The following MICU1 variants were observed in gnomAD, a reference collection of about 807,000 sequenced individuals.
MICU1 encodes the protein calcium uptake protein 1, mitochondrial.
MICU1 carries 45 observed loss-of-function variants against 56.8 expected under a neutral mutation model. That is an observed-to-expected ratio of 0.79 (90% confidence interval 0.62 to 1.02). MICU1 has a LOEUF of 1.02. Ranked by LOEUF, MICU1 falls within the 50% of genes least tolerant of loss-of-function variation. The pLI is 0.00. For missense variants in MICU1, 504 were observed against 587.1 expected (o/e 0.86, Z 1.46); for synonymous variants, 186 against 195.1 (o/e 0.95, Z 0.39).
intron 1 of MICU1, among the ~76,000 whole-genome samples, chr10:72,620,983 G>T (rs1024472599): frequency 6.6e-6 from 1 of 152,014 alleles, no homozygotes; most frequent in Non-Finnish European, 1.5e-5. Flanking sequence ...CATATTTTGG[G>T]AAGCCAAGGC....
intron 4 of MICU1, among the ~76,000 whole-genome samples, chr10:72,544,770 A>G (rs1172039867): frequency 1.3e-5 from 2 of 152,172 alleles, no homozygotes; most frequent in Admixed American, 1.3e-4. Flanking sequence ...AATCGTACAG[A>G]ATATTTTTTT....
chr10:72,419,179 C>T (rs1234522860), intron 9 of MICU1, among the ~76,000 whole-genome samples: 1 of 152,212 alleles, frequency 6.6e-6, no homozygotes, highest in South Asian at 2.1e-4. Context: ...ATATCTGGAC[C>T]AACCTTTAAA....
intron 1 of MICU1, among the ~76,000 whole-genome samples, chr10:72,587,738 C>G (rs190563845): frequency 6.6e-6 from 1 of 151,762 alleles, no homozygotes; most frequent in African/African-American, 2.4e-5. Flanking sequence ...GAGCTGAGAT[C>G]GCACCACTGC....
chr10:72,571,009 A>T (rs1840596711), intron 1 of MICU1, among the ~76,000 whole-genome samples: 2 of 152,234 alleles, frequency 1.3e-5, no homozygotes, highest in Admixed American at 1.3e-4. Flanking sequence ...TTCATCACTG[A>T]CAACAGAAAG....
intron 1 of MICU1, among the ~76,000 whole-genome samples, chr10:72,587,464 C>CAAAAAA (rs35303837): frequency 1.1e-5 from 1 of 92,864 alleles, no homozygotes; most frequent in Non-Finnish European, 2.0e-5. Flanking sequence ...CAGCATGTCT[C>CAAAAAA]AAAAAAAAAA....
chr10:72,421,141 G>C (rs551622062), intron 9 of MICU1, among the ~76,000 whole-genome samples: 15 of 150,926 alleles, frequency 9.9e-5, no homozygotes, highest in South Asian at 2.1e-4. Flanking sequence ...TGGGATTACA[G>C]GTATGTGCCA....
chr10:72,572,590 G>A (rs1424092974), intron 1 of MICU1, among the ~76,000 whole-genome samples: 3 of 151,748 alleles, frequency 2.0e-5, no homozygotes, highest in Admixed American at 2.0e-4. Context: ...GGAATGGAAT[G>A]TAAATATTAA....
intron 5 of MICU1, among the ~76,000 whole-genome samples, chr10:72,518,394 T>A (rs944694593): frequency 6.6e-6 from 1 of 152,134 alleles, no homozygotes; most frequent in Non-Finnish European, 1.5e-5. Context: ...ATGTAATTTT[T>A]ACTAGAAAGT....
At chr10:72,530,642 A>G (rs558010366) in intron 5 of MICU1, among the ~76,000 whole-genome samples, 2 of 152,242 alleles carry the variant, frequency 1.3e-5, no homozygotes, top group East Asian at 1.9e-4. Flanking sequence ...TGCCAATAAT[A>G]ATGTATTTCA....
At chr10:72,417,357 G>A (rs1383820813) in intron 9 of MICU1, among the ~76,000 whole-genome samples, 7 of 151,848 alleles carry the variant, frequency 4.6e-5, no homozygotes, top group African/African-American at 1.5e-4. Flanking sequence ...AGGAGGCTGA[G>A]GCAGGAGAAT....
At chr10:72,592,375 T>A (rs557518708) in intron 1 of MICU1, among the ~76,000 whole-genome samples, 3 of 152,214 alleles carry the variant, frequency 2.0e-5, no homozygotes, top group South Asian at 4.2e-4. Flanking sequence ...CCAGATGGTT[T>A]CACTGGTGAA....
At chr10:72,607,793 T>C (rs1191539950) in intron 1 of MICU1, among the ~76,000 whole-genome samples, 3 of 152,134 alleles carry the variant, frequency 2.0e-5, no homozygotes, top group Non-Finnish European at 4.4e-5. Context: ...CTTGGGAGCC[T>C]ACTGCATGTG....
At chr10:72,530,335 AAATAATAAT>A (rs372087915) in intron 5 of MICU1, among the ~76,000 whole-genome samples, 139 of 64,936 alleles carry the variant, frequency 2.1e-3, no homozygotes, top group African/African-American at 3.4e-3. Context: ...CTCCATATCA[AAATAATAAT>A]AATAATAATA....
intron 8 of MICU1, among the ~76,000 whole-genome samples, chr10:72,450,720 T>C (rs1865268463): frequency 6.9e-6 from 1 of 145,172 alleles, no homozygotes; most frequent in South Asian, 2.2e-4. Context: ...CTTTATTTTT[T>C]TAATTCTTTT....
intron 1 of MICU1, among the ~76,000 whole-genome samples, chr10:72,585,637 C>T (rs971914959): frequency 1.1e-4 from 17 of 148,458 alleles, no homozygotes; most frequent in East Asian, 3.9e-4. Context: ...CCAGCCTGGG[C>T]GACAGAGCAA....
At chr10:72,551,110 G>C in intron 4 of MICU1, 69 bp downstream of exon 4, 1 of 1,432,432 alleles carries the variant, frequency 7.0e-7, no homozygotes, top group Non-Finnish European at 9.4e-7. Flanking sequence ...TCAGTACTAT[G>C]TAGAAAGAGA....
intron 10 of MICU1, among the ~76,000 whole-genome samples, chr10:72,392,963 G>A (rs1863127582): frequency 6.6e-6 from 1 of 152,244 alleles, no homozygotes; most frequent in Non-Finnish European, 1.5e-5. Flanking sequence ...ACCTCAGCAG[G>A]TGAACAGTTA....
chr10:72,387,670 T>C (rs994739469), intron 10 of MICU1, among the ~76,000 whole-genome samples: 23 of 151,014 alleles, frequency 1.5e-4, no homozygotes, highest in African/African-American at 5.3e-4. Flanking sequence ...CATTAATGAG[T>C]ATAAACAACT....
chr10:72,570,070 C>G (rs944752077), intron 1 of MICU1, among the ~76,000 whole-genome samples: 7 of 152,150 alleles, frequency 4.6e-5, no homozygotes, highest in South Asian at 4.1e-4. Flanking sequence ...GTCAGCCTCC[C>G]AAGTTGCTGG....
Sources: allele counts gnomAD v4.1 joint callset (sites outside exome capture counted in the v4.1 genomes callset), GRCh38; gene constraint gnomAD v4.1.1; transcripts MANE v1.5; gene names NCBI Gene and HGNC (gene_info 2026-07-23, HGNC 2026-07-21).